SNX31: variants seen among roughly 807,000 people sequenced by gnomAD.
The protein encoded by SNX31 is sorting nexin-31.
Under a neutral mutation model 65.4 loss-of-function variants are expected in SNX31, and 58 were observed. The observed-to-expected ratio is 0.89, with a 90% CI of 0.72 to 1.10. The LOEUF (loss-of-function observed/expected upper bound fraction) is 1.10. Among genes scored for constraint, SNX31 ranks in the 50% least tolerant of loss-of-function variants. SNX31 has a pLI of 0.00. For missense variants in SNX31, 523 were observed against 529.7 expected, an observed-to-expected ratio of 0.99 and a Z score of 0.12; for synonymous variants, 181 against 190.1, an observed-to-expected ratio of 0.95 and a Z score of 0.39.
At chr8:100,597,280 C>T (rs1007124834) in intron 9 of SNX31, among the ~76,000 whole-genome samples, 1 of 151,512 alleles carries the variant, frequency 6.6e-6, no homozygotes, top group African/African-American at 2.4e-5. Flanking sequence ...CTCGTTCTAT[C>T]ACCCAGGCTG....
intron 10 of SNX31, among the ~76,000 whole-genome samples, chr8:100,590,976 G>T (rs879209527): frequency 6.6e-6 from 1 of 152,170 alleles, no homozygotes; most frequent in Non-Finnish European, 1.5e-5. Flanking sequence ...CCCAAACAGA[G>T]CCCAGGGGTC....
intron 8 of SNX31, among the ~76,000 whole-genome samples, chr8:100,606,902 T>C (rs1386669110): frequency 1.3e-5 from 2 of 152,210 alleles, no homozygotes; most frequent in African/African-American, 2.4e-5. Flanking sequence ...ATTAATACGA[T>C]GCCAGGCCCA....
At chr8:100,661,152 T>C (rs1809781039) in intron 1 of SNX31, among the ~76,000 whole-genome samples, 1 of 152,048 alleles carries the variant, frequency 6.6e-6, no homozygotes, top group Non-Finnish European at 1.5e-5. Context: ...ATTACCGGCA[T>C]GTGCCACCAT....
chr8:100,615,328 G>T (rs1468839838), intron 5 of SNX31, among the ~76,000 whole-genome samples: 1 of 152,156 alleles, frequency 6.6e-6, no homozygotes, highest in Non-Finnish European at 1.5e-5. Flanking sequence ...TACTCAGTAC[G>T]TATTCAGCAC....
intron 9 of SNX31, 80 bp downstream of exon 9, chr8:100,600,269 A>T: frequency 8.4e-7 from 1 of 1,190,574 alleles, no homozygotes; most frequent in Non-Finnish European, 1.2e-6. Context: ...TAGGTTTATC[A>T]GTTACAGAAA....
At chr8:100,641,706 A>G in intron 2 of SNX31, among the ~76,000 whole-genome samples, 1 of 110,532 alleles carries the variant, frequency 9.0e-6, no homozygotes, top group Non-Finnish European at 1.8e-5. Flanking sequence ...CTCTCATCTA[A>G]ACCTAGTATA....
intron 2 of SNX31, among the ~76,000 whole-genome samples, chr8:100,645,606 A>ATTTTT (rs10598981): frequency 1.2e-4 from 13 of 106,700 alleles, no homozygotes; most frequent in African/African-American, 3.1e-4. Context: ...CAGACTCTTC[A>ATTTTT]TTTTTTTTTT....
chr8:100,631,119 G>A (rs914787842), intron 3 of SNX31, among the ~76,000 whole-genome samples: 3 of 151,964 alleles, frequency 2.0e-5, no homozygotes, highest in African/African-American at 7.3e-5. Flanking sequence ...AGGAGTTCTC[G>A]AGATGTTACC....
intron 10 of SNX31, among the ~76,000 whole-genome samples, chr8:100,595,290 G>T (rs1814970099): frequency 6.6e-6 from 1 of 151,704 alleles, no homozygotes; most frequent in African/African-American, 2.4e-5. Flanking sequence ...CAAGCTGTGA[G>T]TGCGGAGATA....
chr8:100,632,879 G>A (rs1413574739), intron 3 of SNX31, among the ~76,000 whole-genome samples: 1 of 152,146 alleles, frequency 6.6e-6, no homozygotes, highest in Admixed American at 6.5e-5. Context: ...TTACAGGTGT[G>A]AGCCACCACG....
intron 5 of SNX31, among the ~76,000 whole-genome samples, chr8:100,617,196 G>A (rs561197836): frequency 2.8e-4 from 43 of 152,284 alleles, no homozygotes; most frequent in African/African-American, 9.6e-4. Context: ...TTCCCTGTGG[G>A]AGAATAGGAA....
intron 3 of SNX31, among the ~76,000 whole-genome samples, chr8:100,633,730 A>T (rs979815470): frequency 6.6e-6 from 1 of 152,190 alleles, no homozygotes; most frequent in Non-Finnish European, 1.5e-5. Context: ...TCTAAAAAAA[A>T]GATATAGAGA....
intron 12 of SNX31, among the ~76,000 whole-genome samples, chr8:100,581,610 T>G (rs1184005355): frequency 3.3e-5 from 5 of 152,106 alleles, no homozygotes; most frequent in Non-Finnish European, 7.4e-5. Context: ...TGGGGCTCAT[T>G]TGGTTACAGT....
At chr8:100,631,118 C>T (rs1029407754) in intron 3 of SNX31, among the ~76,000 whole-genome samples, 4 of 151,930 alleles carry the variant, frequency 2.6e-5, no homozygotes, top group African/African-American at 7.3e-5. Context: ...TAGGAGTTCT[C>T]GAGATGTTAC....
chr8:100,596,521 G>A, intron 10 of SNX31, 118 bp downstream of exon 10: 1 of 788,870 alleles, frequency 1.3e-6, no homozygotes, highest in Non-Finnish European at 2.1e-6. Flanking sequence ...TGGCTTAGAT[G>A]TCACTCCACT....
rs1236123760 is a variant in SNX31, at chr8:100,609,422, A to G, written c.612-859T>C. 6.6e-6 allele frequency among the ~76,000 whole-genome samples: 1 copy of G among 152,164 alleles called. No homozygotes were observed. The highest frequency in any genetic ancestry group is 2.1e-4 in the South Asian group (1 of 4,828). On this transcript the variant is annotated intron_variant, in intron 7 of 13. Transcript: ENST00000311812. This position sits in a 1 kb window ranked among gnomAD's most constrained non-coding sequence, Gnocchi z 4.9. Reference sequence around the variant, plus strand: ...CTTGACACCATCTGTGAAGAACCCCAAGGCCAGGGGCCTATCCAGAGTTGC... The same window carrying G: ...CTTGACACCATCTGTGAAGAACCCCGAGGCCAGGGGCCTATCCAGAGTTGC...
At position 100,576,708 on chromosome 8, in the gene SNX31, A is replaced by G. The variant is rs1813076039; in HGVS notation, c.1227+311T>C. Among the ~76,000 whole-genome samples, 2 of 152,206 alleles carry G rather than the reference A, an allele frequency of 1.3e-5. No homozygotes were observed. The highest frequency in any genetic ancestry group is 2.9e-5 in the Non-Finnish European group (2 of 68,034). The stretch of plus-strand genomic sequence containing the variant: ...ACTATGAGACCAAAATATACTAGAT[A>G]TGTAACATATACAAATTAGAAAGAG... On this transcript the variant is annotated intron_variant, in intron 13 of 13. Transcript: ENST00000311812. The surrounding 1 kb of genome is among the most constrained non-coding windows in gnomAD (Gnocchi z 4.8).
intron 5 of SNX31, among the ~76,000 whole-genome samples, chr8:100,616,616 A>G (rs1369058865): frequency 6.6e-6 from 1 of 152,158 alleles, no homozygotes; most frequent in African/African-American, 2.4e-5. Context: ...AAGCAGGGAG[A>G]CTAGTTTAGG....
At chr8:100,595,164 C>T (rs1047306268) in intron 10 of SNX31, among the ~76,000 whole-genome samples, 22 of 152,134 alleles carry the variant, frequency 1.4e-4, no homozygotes, top group Admixed American at 9.2e-4. Context: ...CGTTTCCATA[C>T]GTTTCAAAGG....
Sources: allele counts gnomAD v4.1 joint callset (sites outside exome capture counted in the v4.1 genomes callset), GRCh38; gene constraint gnomAD v4.1.1; non-coding constraint Gnocchi (gnomAD v3.1); transcripts MANE v1.5; gene names NCBI Gene and HGNC (gene_info 2026-07-23, HGNC 2026-07-21).